CDH13: variants seen among roughly 807,000 people sequenced by gnomAD.
The protein encoded by CDH13 is cadherin-13.
CDH13 carries 24 observed loss-of-function variants against 63.8 expected under a neutral mutation model. That is an observed-to-expected ratio of 0.38 (90% CI 0.27 to 0.53). The LOEUF (loss-of-function observed/expected upper bound fraction) is 0.53. Among genes scored for constraint, CDH13 ranks in the 20% least tolerant of loss-of-function variants. The probability of loss-of-function intolerance (pLI) is 0.85; values close to 1 mark genes in which losing one functional copy is unlikely to be tolerated. For missense variants in CDH13, 1,049 were observed against 903.1 expected (o/e 1.16, Z -2.07); for synonymous variants, 503 against 355.3 (o/e 1.42, Z -4.67).
At chr16:82,822,559 C>T (rs1482565965) in intron 1 of CDH13, among the ~76,000 whole-genome samples, 8 of 152,206 alleles carry the variant, frequency 5.3e-5, no homozygotes, top group East Asian at 1.9e-4. Context: ...TGCAGTGGTG[C>T]GATCAAAGCT....
At chr16:83,397,648 A>G (rs1267436918) in intron 6 of CDH13, among the ~76,000 whole-genome samples, 1 of 152,202 alleles carries the variant, frequency 6.6e-6, no homozygotes, top group East Asian at 1.9e-4. Context: ...TAGCTTGAAG[A>G]GTTGCTTATT....
At chr16:83,235,957 A>G (rs1406265802) in intron 5 of CDH13, among the ~76,000 whole-genome samples, 1 of 152,186 alleles carries the variant, frequency 6.6e-6, no homozygotes. Context: ...AGTTGTTACC[A>G]TTTGACTGCA....
intron 8 of CDH13, among the ~76,000 whole-genome samples, chr16:83,630,804 C>G (rs1910712993): frequency 6.6e-6 from 1 of 152,102 alleles, no homozygotes; most frequent in South Asian, 2.1e-4. Context: ...TCCTTGCAGG[C>G]AAATTGTGAG....
At chr16:83,458,255 C>A (rs1317298224) in intron 6 of CDH13, among the ~76,000 whole-genome samples, 1 of 152,140 alleles carries the variant, frequency 6.6e-6, no homozygotes, top group Non-Finnish European at 1.5e-5. Context: ...TGGGCTGTTC[C>A]TTTGTTGATC....
intron 4 of CDH13, among the ~76,000 whole-genome samples, chr16:83,167,358 A>G (rs1002269504): frequency 8.6e-5 from 13 of 151,932 alleles, no homozygotes; most frequent in Non-Finnish European, 1.9e-4. Context: ...TTAGCTGGGC[A>G]TGCTGGTGCA....
intron 1 of CDH13, among the ~76,000 whole-genome samples, chr16:82,692,853 G>T (rs1023727609): frequency 6.6e-6 from 1 of 152,120 alleles, no homozygotes. Context: ...AAGTGACCCC[G>T]GTGATCCTCA....
intron 3 of CDH13, among the ~76,000 whole-genome samples, chr16:83,103,350 A>G (rs149266623): frequency 1.2e-3 from 168 of 145,682 alleles, no homozygotes; most frequent in African/African-American, 4.2e-3. Context: ...GGTTCAAGCA[A>G]TTCTCCTGCC....
intron 3 of CDH13, among the ~76,000 whole-genome samples, chr16:83,079,711 T>C (rs2033106175): frequency 1.3e-5 from 2 of 152,358 alleles, no homozygotes; most frequent in South Asian, 2.1e-4. Flanking sequence ...CGCAAATGTG[T>C]TTCTTCCTTT....
chr16:83,025,860 C>G (rs1046592478), intron 2 of CDH13, among the ~76,000 whole-genome samples: 6 of 152,162 alleles, frequency 3.9e-5, no homozygotes, highest in South Asian at 2.1e-4. Context: ...CTGGCTCTGT[C>G]TGCATTAGAT....
chr16:83,379,026 C>CACGT (rs138642980), intron 6 of CDH13, among the ~76,000 whole-genome samples: 2 of 149,390 alleles, frequency 1.3e-5, no homozygotes, highest in East Asian at 4.0e-4. Context: ...CACACACACA[C>CACGT]GTGTGTGTAT....
chr16:83,103,253 T>TTC (rs2034593117), intron 3 of CDH13, among the ~76,000 whole-genome samples: 1 of 140,568 alleles, frequency 7.1e-6, no homozygotes, highest in Non-Finnish European at 1.5e-5. Context: ...CTTTTTTTTT[T>TTC]TTTTTTTTTT....
chr16:83,288,050 T>G (rs1052675629), intron 5 of CDH13, among the ~76,000 whole-genome samples: 1 of 152,266 alleles, frequency 6.6e-6, no homozygotes, highest in Non-Finnish European at 1.5e-5. Context: ...GGCACTGTGA[T>G]GTATCCTGTC....
In CDH13 at chr16:83,491,892, A is replaced by C. The variant is rs547993078; in HGVS notation, c.960+5237A>C. Among the ~76,000 whole-genome samples the C allele has an allele frequency of 4.7e-4, 71 of 152,184 alleles. 1 individual carries two copies. The highest frequency in any genetic ancestry group is 9.6e-4 in the Non-Finnish European group (65 of 68,028). ...ATTTTTAGGCCAGATGTAAAAATGGAGAGAATTTCTTTCTTTCTTTCCATG... is the reference window on the plus strand; with the variant it reads ...ATTTTTAGGCCAGATGTAAAAATGGCGAGAATTTCTTTCTTTCTTTCCATG... On this transcript the variant is annotated intron_variant, in intron 7 of 13. Transcript: ENST00000567109.
intron 7 of CDH13, among the ~76,000 whole-genome samples, chr16:83,515,731 C>G (rs73605852): frequency 0.014 from 2,105 of 152,254 alleles, 47 homozygotes; most frequent in African/African-American, 0.046. Context: ...TTCTCAAGTT[C>G]TCAATATTTG....
chr16:83,393,722 A>C (rs1004522368), intron 6 of CDH13, among the ~76,000 whole-genome samples: 2 of 152,226 alleles, frequency 1.3e-5, no homozygotes, highest in African/African-American at 4.8e-5. Context: ...CCCCTGGTCA[A>C]GGAACCAGGC....
intron 5 of CDH13, among the ~76,000 whole-genome samples, chr16:83,220,836 G>C (rs976176298): frequency 6.6e-6 from 1 of 152,170 alleles, no homozygotes; most frequent in African/African-American, 2.4e-5. Flanking sequence ...TCAGGGATTT[G>C]TATGATAAGA....
At chr16:83,105,255 A>G (rs1346245520) in intron 3 of CDH13, among the ~76,000 whole-genome samples, 1 of 152,224 alleles carries the variant, frequency 6.6e-6, no homozygotes, top group African/African-American at 2.4e-5. Flanking sequence ...AGAATGAAAA[A>G]GCAAAGAGAC....
intron 7 of CDH13, among the ~76,000 whole-genome samples, chr16:83,554,189 C>T (rs1033898231): frequency 2.6e-5 from 4 of 151,426 alleles, no homozygotes; most frequent in African/African-American, 9.7e-5. Context: ...TCCTCTTGGA[C>T]AGAAAAGAAA....
chr16:83,107,597 A>C (rs2034835625), intron 3 of CDH13, among the ~76,000 whole-genome samples: 1 of 152,178 alleles, frequency 6.6e-6, no homozygotes, highest in Non-Finnish European at 1.5e-5. Flanking sequence ...TTTACACACT[A>C]GAGTCCTCTT....
Sources: gnomAD v4.1 joint callset for allele counts (sites outside exome capture counted in the v4.1 genomes callset) on GRCh38, gnomAD v4.1.1 for gene constraint, MANE v1.5 for transcripts, NCBI Gene and HGNC (gene_info 2026-07-23, HGNC 2026-07-21) for gene names.